SHANK2: variants seen among roughly 807,000 people sequenced by gnomAD.
The protein encoded by SHANK2 is SH3 and multiple ankyrin repeat domains 2.
SHANK2 carries 43 observed loss-of-function variants against 133.7 expected under a neutral mutation model. The ratio of observed to expected loss-of-function variants is 0.32; its 90% confidence interval spans 0.25 to 0.41. The LOEUF (loss-of-function observed/expected upper bound fraction) is 0.41, where lower values mean the gene tolerates loss of function less well. Among genes scored for constraint, SHANK2 ranks in the 10% least tolerant of loss-of-function variants. SHANK2 has a pLI of 1.00. For synonymous variants in SHANK2, 1,017 were observed against 952.8 expected (o/e 1.07, Z -1.24); for missense variants, 1,994 against 2,235.8 (o/e 0.89, Z 2.18).
intron 25 of SHANK2, among the ~76,000 whole-genome samples, chr11:70,484,423 C>G (rs1224573547): frequency 4.6e-5 from 7 of 152,078 alleles, no homozygotes; most frequent in Non-Finnish European, 1.0e-4. Flanking sequence ...TCTTGCTCCC[C>G]CTTTGGTGAT....
At chr11:71,080,890 C>T (rs1004485289) in intron 8 of SHANK2, among the ~76,000 whole-genome samples, 8 of 152,326 alleles carry the variant, frequency 5.3e-5, no homozygotes, top group Admixed American at 5.2e-4. Flanking sequence ...TGAATGAATG[C>T]AGGAACACGG....
At chr11:70,721,948 T>C (rs1555029292) in intron 14 of SHANK2, among the ~76,000 whole-genome samples, 27 of 152,248 alleles carry the variant, frequency 1.8e-4, no homozygotes. Context: ...TTCCCCCAAA[T>C]GATGCCACTG....
chr11:70,868,500 G>T (rs1395314278), intron 11 of SHANK2, among the ~76,000 whole-genome samples: 1 of 152,228 alleles, frequency 6.6e-6, no homozygotes, highest in Non-Finnish European at 1.5e-5. Context: ...TACAGAGGAG[G>T]CAACTGTGGC....
intron 2 of SHANK2, among the ~76,000 whole-genome samples, chr11:71,160,608 T>C (rs35306100): frequency 6.6e-6 from 1 of 152,238 alleles, no homozygotes; most frequent in African/African-American, 2.4e-5. Context: ...TGATCTCAGA[T>C]GTCCAGCCTC....
rs530558026 is a variant in SHANK2, at chr11:70,858,329, A to G, written c.1175-37647T>C. 1.2e-4 allele frequency among the ~76,000 whole-genome samples: 18 copies of G among 152,364 alleles called. No homozygotes were observed. In the South Asian group the frequency reaches 3.7e-3, roughly 32 times the overall value. On this transcript the variant is annotated intron_variant, in intron 11 of 25. Transcript: ENST00000601538. ...GGTTGCTCTTCTCTTAGCCATGGCC[A>G]TGTCAGGTAGGCAGGGTGCATGTGA...
chr11:70,841,476 C>T (rs1294772723), intron 11 of SHANK2, among the ~76,000 whole-genome samples: 1 of 152,226 alleles, frequency 6.6e-6, no homozygotes, highest in African/African-American at 2.4e-5. Context: ...GTCACACAGC[C>T]AGGCCAAGAT....
At chr11:71,202,765 G>A (rs1232791995) in intron 2 of SHANK2, among the ~76,000 whole-genome samples, 2 of 152,224 alleles carry the variant, frequency 1.3e-5, no homozygotes, top group East Asian at 3.9e-4. Context: ...CAGCAAGGCT[G>A]TCTCCATCCA....
chr11:70,854,296 A>G (rs180724086), intron 11 of SHANK2, among the ~76,000 whole-genome samples: 70 of 152,340 alleles, frequency 4.6e-4, no homozygotes, highest in Non-Finnish European at 9.1e-4. Flanking sequence ...AAAGTTACCA[A>G]TGCTAAAAAT....
intron 17 of SHANK2, among the ~76,000 whole-genome samples, chr11:70,619,606 A>G (rs1336629537): frequency 6.6e-6 from 1 of 152,222 alleles, no homozygotes; most frequent in East Asian, 1.9e-4. Flanking sequence ...TCTGGGGATA[A>G]GCACGTGGAC....
At chr11:71,079,888 A>AAGGAAGGGGGG (rs1951273246) in intron 8 of SHANK2, among the ~76,000 whole-genome samples, 1 of 53,574 alleles carries the variant, frequency 1.9e-5, no homozygotes, top group Non-Finnish European at 3.3e-5. Context: ...AGGGGAGGGG[A>AAGGAAGGGGGG]GGGGAAGGAA....
intron 8 of SHANK2, among the ~76,000 whole-genome samples, chr11:71,079,629 G>A (rs924250271): frequency 2.4e-4 from 36 of 150,798 alleles, no homozygotes; most frequent in African/African-American, 8.0e-4. Flanking sequence ...GTGTGGTGGC[G>A]GGTGCCTGTA....
Position 70,882,205 on chromosome 11 carries a change from T to C in SHANK2, c.1174+14296A>G, listed in dbSNP as rs1284298887. 6.6e-6 allele frequency among the ~76,000 whole-genome samples: 1 copy of C among 151,700 alleles called. No homozygotes were observed. The highest frequency in any genetic ancestry group is 6.6e-5 in the Admixed American group (1 of 15,230). Reference sequence around the variant, plus strand: ...GGAGGGAGTGGGGAAAGGGAAGGAATGAGCAAGGGAGAAGGAAGTGGAGGA... The same window carrying C: ...GGAGGGAGTGGGGAAAGGGAAGGAACGAGCAAGGGAGAAGGAAGTGGAGGA... On this transcript the variant is annotated intron_variant, in intron 11 of 25. Transcript: ENST00000601538. The surrounding 1 kb of genome is among the most constrained non-coding windows in gnomAD (Gnocchi z 4.2).
intron 2 of SHANK2, among the ~76,000 whole-genome samples, chr11:71,177,124 G>T (rs1161931418): frequency 2.8e-5 from 3 of 106,592 alleles, no homozygotes; most frequent in Non-Finnish European, 6.2e-5. Flanking sequence ...TTTCAGAAAT[G>T]AAGTAGCCGA....
rs114280916 is a variant in SHANK2, at chr11:71,149,713, C to G, written c.-12-2375G>C. On this transcript the variant is annotated intron_variant, in intron 2 of 25. Transcript: ENST00000601538. ...TGAATGGATGGATGGATAGATGGCT[C>G]ACTGTGTGGATACGCAAGAGGGAGG... Among the ~76,000 whole-genome samples, 1,172 of 142,056 alleles carry G rather than the reference C, an allele frequency of 8.3e-3. 21 individuals carry two copies. Among genetic ancestry groups the G allele is most frequent in the African/African-American group, 0.03 (1,129 of 37,462 alleles). 93.2% of individuals were successfully genotyped at this position (142,056 alleles called of 152,430 possible). A position where few individuals can be genotyped will look rare whatever the true frequency, so the allele number is the denominator to read the frequency against.
intron 2 of SHANK2, among the ~76,000 whole-genome samples, chr11:71,218,108 G>C (rs1954451995): frequency 6.6e-6 from 1 of 151,998 alleles, no homozygotes; most frequent in Non-Finnish European, 1.5e-5. Context: ...CTTACCTTGT[G>C]ATTAGCCTTC....
At chr11:70,707,808 C>A (rs537151297) in intron 14 of SHANK2, among the ~76,000 whole-genome samples, 1 of 152,324 alleles carries the variant, frequency 6.6e-6, no homozygotes, top group South Asian at 2.1e-4. Flanking sequence ...CTACAAGTCT[C>A]TCTGAAAACA....
chr11:71,223,923 T>C (rs782223915), intron 2 of SHANK2, among the ~76,000 whole-genome samples: 4 of 151,984 alleles, frequency 2.6e-5, no homozygotes, highest in Non-Finnish European at 5.9e-5. Flanking sequence ...ATTGAGAAAT[T>C]GCCCACAGGG....
intron 14 of SHANK2, among the ~76,000 whole-genome samples, chr11:70,714,752 G>A (rs568065305): frequency 3.3e-5 from 5 of 151,856 alleles, no homozygotes; most frequent in African/African-American, 1.2e-4. Context: ...CCTCCCTACG[G>A]CATTTTTCTT....
chr11:70,782,362 G>A (rs1555045365), intron 14 of SHANK2, among the ~76,000 whole-genome samples: 1 of 152,216 alleles, frequency 6.6e-6, no homozygotes, highest in African/African-American at 2.4e-5. Context: ...CAGCCTTAAA[G>A]CAGTTCTTTA....
Sources: allele counts gnomAD v4.1 joint callset (sites outside exome capture counted in the v4.1 genomes callset), GRCh38; gene constraint gnomAD v4.1.1; non-coding constraint Gnocchi (gnomAD v3.1); transcripts MANE v1.5; gene names NCBI Gene and HGNC (gene_info 2026-07-23, HGNC 2026-07-21).